Variants in ASTN2 observed in about 807,000 individuals in gnomAD.
ASTN2 encodes the protein astrotactin 2.
Under a neutral mutation model 139.8 loss-of-function variants are expected in ASTN2, and 54 were observed. The observed-to-expected ratio is 0.39, with a 90% CI of 0.31 to 0.48. The LOEUF is 0.48. ASTN2 is among the 20% of genes least tolerant of loss of function. ASTN2 has a pLI of 0.95. For synonymous variants in ASTN2, 756 were observed against 719.5 expected, an observed-to-expected ratio of 1.05 and a Z score of -0.81; for missense variants, 1,565 against 1,725.1, an observed-to-expected ratio of 0.91 and a Z score of 1.64.
chr9:117,191,923 A>G (rs915183458), intron 3 of ASTN2, among the ~76,000 whole-genome samples: 5 of 152,146 alleles, frequency 3.3e-5, no homozygotes, highest in African/African-American at 1.2e-4. Context: ...GAGAAAGGAG[A>G]GACAGGGAGA....
intron 1 of ASTN2, among the ~76,000 whole-genome samples, chr9:117,377,644 TATATAA>T (rs1211885683): frequency 6.6e-6 from 1 of 151,134 alleles, no homozygotes; most frequent in Non-Finnish European, 1.5e-5. Flanking sequence ...CAAGAAGCTA[TATATAA>T]ATATATATAT....
At chr9:116,960,948 C>A (rs1835858825) in intron 10 of ASTN2, among the ~76,000 whole-genome samples, 1 of 152,078 alleles carries the variant, frequency 6.6e-6, no homozygotes, top group East Asian at 1.9e-4. Context: ...CCCCAGGCTG[C>A]CCCATTTCAA....
At chr9:117,301,194 G>A (rs1283059589) in intron 1 of ASTN2, among the ~76,000 whole-genome samples, 1 of 151,982 alleles carries the variant, frequency 6.6e-6, no homozygotes, top group Non-Finnish European at 1.5e-5. Context: ...TCTTTGCTTG[G>A]TCTTTGTCAT....
intron 22 of ASTN2, among the ~76,000 whole-genome samples, chr9:116,439,193 C>T (rs1847752745): frequency 9.7e-6 from 1 of 102,778 alleles, no homozygotes; most frequent in African/African-American, 3.7e-5. Context: ...TATTCAAATA[C>T]ATTTTTTTTT....
Position 116,565,427 on chromosome 9 carries a change from A to ATATTTATTTATT in ASTN2, c.3355+52885_3355+52896dup, listed in dbSNP as rs1316457639. Among the ~76,000 whole-genome samples the ATATTTATTTATT allele has an allele frequency of 3.9e-3, 285 of 73,768 alleles. 7 individuals are homozygous for ATATTTATTTATT. The highest frequency in any genetic ancestry group is 7.9e-3 in the Middle Eastern group (1 of 126). The allele number at this position is 73,768 out of a possible 152,430, so 48.4% of individuals were successfully genotyped here. A position where few individuals can be genotyped will look rare whatever the true frequency, so the allele number is the denominator to read the frequency against. On this transcript the variant is annotated intron_variant, in intron 19 of 22. Coordinates refer to ENST00000313400, the MANE Select transcript of ASTN2 (RefSeq NM_001365068.1). ...TATATATATATATATATATATATAT[A>ATATTTATTTATT]TATTTATTTATTTATTTTGAGACAG...
chr9:116,855,852 C>T (rs1214414802), intron 11 of ASTN2, among the ~76,000 whole-genome samples: 1 of 152,120 alleles, frequency 6.6e-6, no homozygotes, highest in East Asian at 1.9e-4. Context: ...CAGGGCCAGG[C>T]ACATAATTAG....
At chr9:116,728,789 C>T (rs999591275) in intron 15 of ASTN2, among the ~76,000 whole-genome samples, 6 of 152,124 alleles carry the variant, frequency 3.9e-5, no homozygotes, top group Non-Finnish European at 8.8e-5. Flanking sequence ...TCTGTGCCAC[C>T]GCTTCCCCAT....
intron 13 of ASTN2, among the ~76,000 whole-genome samples, chr9:116,791,967 G>A (rs1830572351): frequency 6.6e-6 from 1 of 152,078 alleles, no homozygotes; most frequent in Admixed American, 6.5e-5. Context: ...ACATTTTTAG[G>A]TTAGTTGGAG....
intron 16 of ASTN2, among the ~76,000 whole-genome samples, chr9:116,722,716 T>A (rs1828506340): frequency 6.6e-6 from 1 of 152,206 alleles, no homozygotes; most frequent in Non-Finnish European, 1.5e-5. Context: ...TGTAGAGGGC[T>A]GTACAAATGC....
intron 19 of ASTN2, chr9:116,612,376 T>C (rs545512482): frequency 6.6e-6 from 1 of 152,170 alleles, no homozygotes; most frequent in African/African-American, 2.4e-5. Context: ...GCGGACCTAA[T>C]AGACATCTAC....
At chr9:117,043,303 G>A (rs747272017) in intron 5 of ASTN2, among the ~76,000 whole-genome samples, 15 of 152,154 alleles carry the variant, frequency 9.9e-5, no homozygotes, top group Non-Finnish European at 2.2e-4. Context: ...GTAGTGAGAG[G>A]CCCCTGGCAT....
Position 116,802,555 on chromosome 9 carries a change from T to C in ASTN2, c.2396+3077A>G, listed in dbSNP as rs143070343. On this transcript the variant is annotated intron_variant, in intron 13 of 22. Transcript: ENST00000313400. ...AGGATTTAATGAAGTTTGTTCAGGA[T>C]CTAGCCTCTTACTACCCATGTGGAT... 1.2e-4 allele frequency among the ~76,000 whole-genome samples: 18 copies of C among 152,342 alleles called. No individual in the cohort carries two copies. The East Asian group carries it at 3.3e-3, about 28-fold the overall frequency.
Position 116,853,706 on chromosome 9 carries a change from C to T in ASTN2, c.2040+9877G>A, listed in dbSNP as rs1256383554. 2.0e-5 allele frequency among the ~76,000 whole-genome samples: 3 copies of T among 152,196 alleles called. No homozygotes were observed. The East Asian group carries it at 5.8e-4, about 29-fold the overall frequency. ...CTTGGGCTGCACTCTGAAAGAAAAG[C>T]AGCACCTAAAACAGTGTGGAGCACC... On this transcript the variant is annotated intron_variant, in intron 11 of 22. Transcript: ENST00000313400.
In ASTN2 at chr9:116,640,590, TAGA is replaced by T. The variant is rs1425774897; in HGVS notation, c.3072+10935_3072+10937del. Among the ~76,000 whole-genome samples the T allele has an allele frequency of 9.2e-5, 14 of 152,096 alleles. 1 individual carries two copies. The East Asian group carries it at 1.5e-3, about 17-fold the overall frequency. On this transcript the variant is annotated intron_variant, in intron 17 of 22. Coordinates refer to ENST00000313400, the MANE Select transcript of ASTN2 (RefSeq NM_001365068.1). ...GACAGAGCACAGTGTTTCCAAAAAC[TAGA>T]AGAAGATCACTATGGCTGGAGCACA... is the stretch of plus-strand genomic sequence containing the variant.
At chr9:116,923,143 G>T (rs1030873682) in intron 10 of ASTN2, among the ~76,000 whole-genome samples, 16 of 152,118 alleles carry the variant, frequency 1.1e-4, no homozygotes, top group African/African-American at 3.9e-4. Context: ...TTCTTTCCAA[G>T]GTTATAACAG....
intron 4 of ASTN2, among the ~76,000 whole-genome samples, chr9:117,104,331 A>C (rs2132770397): frequency 6.6e-6 from 1 of 152,308 alleles, no homozygotes; most frequent in South Asian, 2.1e-4. Flanking sequence ...ACAGTGACAT[A>C]GATCTAAATT....
chr9:116,927,801 C>T (rs1269964445), intron 10 of ASTN2, among the ~76,000 whole-genome samples: 2 of 152,184 alleles, frequency 1.3e-5, no homozygotes, highest in Non-Finnish European at 2.9e-5. Flanking sequence ...GGATCATGCT[C>T]ACATAAGTGT....
At chr9:116,539,607 C>T (rs528789370) in intron 19 of ASTN2, among the ~76,000 whole-genome samples, 34 of 152,218 alleles carry the variant, frequency 2.2e-4, no homozygotes, top group South Asian at 1.7e-3. Context: ...CCCCAGTGGA[C>T]GTCTGAAACC....
intron 10 of ASTN2, among the ~76,000 whole-genome samples, chr9:116,897,232 C>T (rs1185603642): frequency 6.6e-6 from 1 of 152,168 alleles, no homozygotes; most frequent in African/African-American, 2.4e-5. Flanking sequence ...AGTGGTAATA[C>T]CAGGCGAAGG....
Sources: gnomAD v4.1 joint callset for allele counts (sites outside exome capture counted in the v4.1 genomes callset) on GRCh38, gnomAD v4.1.1 for gene constraint, MANE v1.5 for transcripts, NCBI Gene and HGNC (gene_info 2026-07-23, HGNC 2026-07-21) for gene names.